TVP23B: variants seen among roughly 807,000 people sequenced by gnomAD.
TVP23B encodes trans-golgi network vesicle protein 23 homolog B, also known as Golgi apparatus membrane protein TVP23 homolog B.
Under a neutral mutation model 30.6 loss-of-function variants are expected in TVP23B, and 10 were observed. The observed-to-expected ratio is 0.33, with a 90% CI of 0.20 to 0.55. The LOEUF (loss-of-function observed/expected upper bound fraction) is 0.55, where lower values mean the gene tolerates loss of function less well. Among genes scored for constraint, TVP23B ranks in the 20% least tolerant of loss-of-function variants. The probability of loss-of-function intolerance (pLI) is 0.91; values close to 1 mark genes in which losing one functional copy is unlikely to be tolerated. For missense variants in TVP23B, 153 were observed against 243.2 expected (o/e 0.63, Z 2.47); for synonymous variants, 67 against 83.1 (o/e 0.81, Z 1.06).
At chr17:18,795,953 C>T (rs1350023633) in intron 3 of TVP23B, 5 of 150,630 alleles carry the variant, frequency 3.3e-5, no homozygotes, top group African/African-American at 1.2e-4. Context: ...GTATTAACCA[C>T]AATTTGAGGC....
chr17:18,786,587 G>C (rs1207684181), intron 1 of TVP23B, among the ~76,000 whole-genome samples: 1 of 152,216 alleles, frequency 6.6e-6, no homozygotes, highest in Non-Finnish European at 1.5e-5. Flanking sequence ...TGTACGTTAT[G>C]ATCACACCTC....
intron 3 of TVP23B, chr17:18,796,750 A>T (rs958558839): frequency 6.6e-6 from 1 of 151,936 alleles, no homozygotes; most frequent in African/African-American, 2.4e-5. Flanking sequence ...TGAAGGTAAC[A>T]TTTTTTTTTA....
chr17:18,782,806 G>A (rs1242041424), intron 1 of TVP23B, among the ~76,000 whole-genome samples: 2 of 151,832 alleles, frequency 1.3e-5, no homozygotes, highest in Non-Finnish European at 2.9e-5. Context: ...CACTCTCGTG[G>A]CCATCTTGGT....
chr17:18,788,405 A>G (rs1452058504), intron 1 of TVP23B, among the ~76,000 whole-genome samples: 1 of 149,736 alleles, frequency 6.7e-6, no homozygotes, highest in Non-Finnish European at 1.5e-5. Flanking sequence ...TGAAGGGGAG[A>G]TTCAGGATCA....
intron 1 of TVP23B, among the ~76,000 whole-genome samples, chr17:18,784,754 G>T (rs908517405): frequency 1.3e-5 from 2 of 152,204 alleles, no homozygotes; most frequent in African/African-American, 4.8e-5. Flanking sequence ...ACTTTGTTTG[G>T]TTTCCAGGAC....
chr17:18,795,899 TA>T, intron 3 of TVP23B: 1 of 151,882 alleles, frequency 6.6e-6, no homozygotes, highest in African/African-American at 2.4e-5. Flanking sequence ...AGCATTATCA[TA>T]GGTATGTACT....
chr17:18,783,089 A>ATTTAT, intron 1 of TVP23B, among the ~76,000 whole-genome samples: 2 of 106,944 alleles, frequency 1.9e-5, no homozygotes, highest in Non-Finnish European at 4.1e-5. Flanking sequence ...TTATTTATTT[A>ATTTAT]TTGATTGATT....
At chr17:18,802,274 G>A (rs528010619) in intron 5 of TVP23B, among the ~76,000 whole-genome samples, 4 of 152,152 alleles carry the variant, frequency 2.6e-5, no homozygotes, top group South Asian at 2.1e-4. Context: ...ACCACAGGAC[G>A]GGAATGGGCT....
chr17:18,794,078 A>G (rs972165835), intron 3 of TVP23B, among the ~76,000 whole-genome samples: 1 of 151,998 alleles, frequency 6.6e-6, no homozygotes, highest in Non-Finnish European at 1.5e-5. Context: ...TATGTATAGT[A>G]AAAAAATTGG....
At chr17:18,784,554 C>T (rs1024495334) in intron 1 of TVP23B, among the ~76,000 whole-genome samples, 1 of 152,020 alleles carries the variant, frequency 6.6e-6, no homozygotes, top group Admixed American at 6.6e-5. Context: ...CTGAGGCTGA[C>T]GCAGGGGAGT....
At chr17:18,788,552 C>T (rs1324195988) in intron 1 of TVP23B, among the ~76,000 whole-genome samples, 5 of 151,992 alleles carry the variant, frequency 3.3e-5, no homozygotes, top group South Asian at 2.1e-4. Flanking sequence ...GAGGCTGAGG[C>T]GGACAGATCA....
In TVP23B at chr17:18,805,603, A is replaced by G. The variant is rs2036239583; in HGVS notation, c.*36A>G. On this transcript the variant is annotated 3_prime_UTR_variant, in exon 7 of 7. Coordinates refer to ENST00000307767, the MANE Select transcript of TVP23B (RefSeq NM_016078.6). ...CTTATGTGCTTTGTTACATTGGGGA[A>G]CAACTGAAGAGATTCTTGACTCAAC... The G allele has an allele frequency of 2.5e-6, 4 of 1,596,908 alleles. No individual in the cohort carries two copies. The highest frequency in any genetic ancestry group is 3.4e-6 in the Non-Finnish European group (4 of 1,174,706).
At chr17:18,805,475 A>G (rs17675577) in intron 6 of TVP23B, 66 bp from the exon 7 acceptor site, 123,434 of 1,594,822 alleles carry the variant, frequency 0.077, 5,045 homozygotes, top group South Asian at 0.091. Flanking sequence ...CCTAGTCCCC[A>G]AGTCCATGGT....
intron 6 of TVP23B, among the ~76,000 whole-genome samples, chr17:18,805,103 T>TC (rs1567639012): frequency 1.2e-4 from 17 of 138,802 alleles, no homozygotes; most frequent in African/African-American, 3.9e-4. Flanking sequence ...TTTTTTTTTT[T>TC]CTTGAGACGG....
intron 6 of TVP23B, 124 bp from the exon 7 acceptor site, chr17:18,805,417 T>C (rs898750056): frequency 6.7e-7 from 1 of 1,481,866 alleles, no homozygotes; most frequent in African/African-American, 1.4e-5. Flanking sequence ...ATTGGGCCAT[T>C]GTATGTAAGG....
chr17:18,805,880 T>C lies in TVP23B; in HGVS notation c.*313T>C, dbSNP rs1251188365. The C allele has an allele frequency of 8.8e-7, 1 of 1,132,642 alleles. No homozygotes were observed. Among genetic ancestry groups the C allele is most frequent in the African/African-American group, 1.6e-5 (1 of 62,116 alleles). 70.2% of individuals were successfully genotyped at this position (1,132,642 alleles called of 1,614,324 possible). A position where few individuals can be genotyped will look rare whatever the true frequency, so the allele number is the denominator to read the frequency against. ...ATCCCAAGTTAATGAAAGTGTTCAT[T>C]TACATAGGTAATGGAGACCTTTGCA... On this transcript the variant is annotated 3_prime_UTR_variant, in exon 7 of 7. Transcript: ENST00000307767.
chr17:18,783,869 G>A (rs2035853505), intron 1 of TVP23B, among the ~76,000 whole-genome samples: 5 of 152,166 alleles, frequency 3.3e-5, no homozygotes, highest in African/African-American at 7.2e-5. Flanking sequence ...AAACTTGGCC[G>A]GGCGCGGTGG....
In TVP23B at chr17:18,803,057, T is replaced by C. The variant is rs545466990; in HGVS notation, c.463-1081T>C. Among the ~76,000 whole-genome samples, 289 of 152,318 alleles carry C rather than the reference T, an allele frequency of 1.9e-3. 2 individuals carry two copies. The highest frequency in any genetic ancestry group is 6.4e-3 in the African/African-American group (267 of 41,572). On this transcript the variant is annotated intron_variant, in intron 5 of 6. Coordinates refer to ENST00000307767, the MANE Select transcript of TVP23B (RefSeq NM_016078.6). Reference sequence around the variant, plus strand: ...TTCATTAATCAAACATTTAAATCTATTAATTAAACATTAAAATCAGCTATA... The same window carrying C: ...TTCATTAATCAAACATTTAAATCTACTAATTAAACATTAAAATCAGCTATA...
chr17:18,800,780 A>G (rs2036151100), intron 5 of TVP23B, among the ~76,000 whole-genome samples: 1 of 152,064 alleles, frequency 6.6e-6, no homozygotes, highest in Non-Finnish European at 1.5e-5. Flanking sequence ...GCATTTATTT[A>G]TGTTCTATGG....
Sources: gnomAD v4.1 joint callset for allele counts (sites outside exome capture counted in the v4.1 genomes callset) on GRCh38, gnomAD v4.1.1 for gene constraint, MANE v1.5 for transcripts, NCBI Gene and HGNC (gene_info 2026-07-23, HGNC 2026-07-21) for gene names.